CTNNA3: variants seen among roughly 807,000 people sequenced by gnomAD.
The protein encoded by CTNNA3 is catenin alpha 3, also known as catenin alpha-3.
A neutral mutation model predicts 95.7 loss-of-function variants in CTNNA3; 76 were observed. That is an observed-to-expected ratio of 0.79 (90% CI 0.66 to 0.96). The LOEUF (loss-of-function observed/expected upper bound fraction) is 0.96, where lower values mean the gene tolerates loss of function less well. Among genes scored for constraint, CTNNA3 ranks in the 40% least tolerant of loss-of-function variants. The probability of loss-of-function intolerance (pLI) is 0.00; values close to 1 mark genes in which losing one functional copy is unlikely to be tolerated. For missense variants in CTNNA3, 1,191 were observed against 1,089.8 expected, an observed-to-expected ratio of 1.09 and a Z score of -1.31; for synonymous variants, 431 against 374.4, an observed-to-expected ratio of 1.15 and a Z score of -1.74.
chr10:66,069,209 A>AT, intron 15 of CTNNA3, 99 bp downstream of exon 15: 3 of 1,189,084 alleles, frequency 2.5e-6, no homozygotes, highest in East Asian at 2.4e-5. Flanking sequence ...CTACCACCTG[A>AT]TTTTTGGCAC....
At chr10:66,978,960 C>CTTTTTTTT (rs34112681) in intron 7 of CTNNA3, among the ~76,000 whole-genome samples, 2 of 83,778 alleles carry the variant, frequency 2.4e-5, no homozygotes, top group African/African-American at 4.5e-5. Context: ...TACTTATTTC[C>CTTTTTTTT]TTTTTTTTTT....
intron 9 of CTNNA3, among the ~76,000 whole-genome samples, chr10:66,733,802 A>T (rs1207819869): frequency 1.3e-5 from 2 of 151,594 alleles, no homozygotes; most frequent in Non-Finnish European, 3.0e-5. Context: ...ATGTTGTTAA[A>T]TTTTTTTGCC....
chr10:67,181,500 T>C (rs1862541972), intron 6 of CTNNA3, among the ~76,000 whole-genome samples: 1 of 152,084 alleles, frequency 6.6e-6, no homozygotes, highest in Non-Finnish European at 1.5e-5. Flanking sequence ...TAACATGAAA[T>C]GCAATCACAT....
intron 9 of CTNNA3, among the ~76,000 whole-genome samples, chr10:66,733,535 T>C (rs1009550032): frequency 9.2e-5 from 14 of 151,904 alleles, no homozygotes; most frequent in African/African-American, 3.4e-4. Context: ...CACACAAATA[T>C]ATATGTATAT....
chr10:66,700,467 T>A (rs1847907706), intron 9 of CTNNA3, among the ~76,000 whole-genome samples: 1 of 152,166 alleles, frequency 6.6e-6, no homozygotes, highest in South Asian at 2.1e-4. Context: ...TTTCTGGGCT[T>A]TTTATTCTGT....
intron 15 of CTNNA3, among the ~76,000 whole-genome samples, chr10:66,008,862 C>A (rs141567673): frequency 1.3e-5 from 2 of 152,018 alleles, no homozygotes; most frequent in African/African-American, 4.8e-5. Flanking sequence ...AGCACTTTGT[C>A]AGGCTGAGGT....
chr10:67,086,796 A>C (rs76730448), intron 7 of CTNNA3, among the ~76,000 whole-genome samples: 2,366 of 152,074 alleles, frequency 0.016, 61 homozygotes, highest in African/African-American at 0.054. Flanking sequence ...AATTCCAAAC[A>C]CTAGTATCTG....
At chr10:66,564,895 G>A (rs1354455618) in intron 10 of CTNNA3, among the ~76,000 whole-genome samples, 1 of 152,114 alleles carries the variant, frequency 6.6e-6, no homozygotes, top group African/African-American at 2.4e-5. Flanking sequence ...CTTCAGTTAA[G>A]GCACTTGCTC....
intron 2 of CTNNA3, among the ~76,000 whole-genome samples, chr10:67,641,642 T>C (rs1839536266): frequency 6.6e-6 from 1 of 152,222 alleles, no homozygotes; most frequent in Admixed American, 6.5e-5. Context: ...ATTAAGAAAA[T>C]GTGGCACATA....
chr10:67,648,721 C>T lies in CTNNA3; in HGVS notation c.-5-1203G>A, dbSNP rs142448518. The T allele has an allele frequency of 2.4e-5, 31 of 1,289,034 alleles. No individual in the cohort carries two copies. The East Asian group carries it at 1.6e-3, about 65-fold the overall frequency. 79.8% of individuals were successfully genotyped at this position (1,289,034 alleles called of 1,614,324 possible). ...ATCAACATATAAAGTCAAAGCCCTA[C>T]AATTTAGCCCTGTTTTACCTTGTTT... On this transcript the variant is annotated intron_variant, in intron 1 of 17. Transcript: ENST00000433211.
chr10:66,477,349 G>A (rs1209649474), intron 11 of CTNNA3, among the ~76,000 whole-genome samples: 1 of 152,058 alleles, frequency 6.6e-6, no homozygotes, highest in Non-Finnish European at 1.5e-5. Flanking sequence ...CTTTTAAAAT[G>A]TTGATGTATC....
At chr10:66,651,187 A>G (rs916713823) in intron 9 of CTNNA3, among the ~76,000 whole-genome samples, 1 of 152,188 alleles carries the variant, frequency 6.6e-6, no homozygotes, top group Non-Finnish European at 1.5e-5. Flanking sequence ...TCCTTTAGCT[A>G]GACACAGAGT....
intron 4 of CTNNA3, among the ~76,000 whole-genome samples, chr10:67,535,022 AT>A (rs1250494294): frequency 6.6e-6 from 1 of 152,188 alleles, no homozygotes; most frequent in African/African-American, 2.4e-5. Flanking sequence ...CAGGCAAGCA[AT>A]GGTCACTTAG....
At chr10:67,387,061 C>A (rs147358447) in intron 5 of CTNNA3, among the ~76,000 whole-genome samples, 2 of 152,142 alleles carry the variant, frequency 1.3e-5, no homozygotes, top group African/African-American at 4.8e-5. Flanking sequence ...GGACCCAAGA[C>A]GGCCGAATAG....
chr10:66,890,578 G>A (rs1845228808), intron 7 of CTNNA3, among the ~76,000 whole-genome samples: 1 of 152,032 alleles, frequency 6.6e-6, no homozygotes, highest in African/African-American at 2.4e-5. Flanking sequence ...AGAACAATTT[G>A]AAGGGTGCAA....
intron 5 of CTNNA3, among the ~76,000 whole-genome samples, chr10:67,397,808 G>C (rs993547076): frequency 6.6e-6 from 1 of 152,212 alleles, no homozygotes; most frequent in African/African-American, 2.4e-5. Flanking sequence ...CTCCAGACAT[G>C]GCTAAAAGGG....
At position 66,398,440 on chromosome 10, in the gene CTNNA3, GGT is replaced by G. The variant is rs200313931; in HGVS notation, c.1532-19090_1532-19089del. On this transcript the variant is annotated intron_variant, in intron 11 of 17. Coordinates refer to ENST00000433211, the MANE Select transcript of CTNNA3 (RefSeq NM_013266.4). ...CATGGGATCAGTGTAATGTATCTAT[GGT>G]ATTGTATTTAGAAGAAATTCTTGCC... 5.4e-3 allele frequency among the ~76,000 whole-genome samples: 821 copies of G among 151,864 alleles called. 9 individuals carry two copies. The highest frequency in any genetic ancestry group is 0.014 in the African/African-American group (572 of 41,482).
intron 5 of CTNNA3, among the ~76,000 whole-genome samples, chr10:67,279,632 T>A (rs1351795060): frequency 6.6e-6 from 1 of 150,870 alleles, no homozygotes; most frequent in Non-Finnish European, 1.5e-5. Flanking sequence ...ATATTTAACC[T>A]TTTATCTGTA....
chr10:66,309,939 AAATAAATAAAT>A (rs1397703667), intron 12 of CTNNA3, among the ~76,000 whole-genome samples: 270 of 119,120 alleles, frequency 2.3e-3, no homozygotes, highest in African/African-American at 8.0e-3. Flanking sequence ...ATAAATAAAT[AAATAAATAAAT>A]AAATAAAATA....
Sources: allele counts gnomAD v4.1 joint callset (sites outside exome capture counted in the v4.1 genomes callset), GRCh38; gene constraint gnomAD v4.1.1; transcripts MANE v1.5; gene names NCBI Gene and HGNC (gene_info 2026-07-23, HGNC 2026-07-21).